NOTCH3: variants seen among roughly 807,000 people sequenced by gnomAD.
NOTCH3 encodes neurogenic locus notch homolog protein 3.
In NOTCH3, 86 loss-of-function variants were observed where a neutral mutation model predicts 213.3. The ratio of observed to expected loss-of-function variants is 0.40; its 90% confidence interval spans 0.34 to 0.48. The LOEUF (loss-of-function observed/expected upper bound fraction) is 0.48. NOTCH3 is among the 20% of genes least tolerant of loss of function. NOTCH3 has a pLI of 0.57. For synonymous variants in NOTCH3, 1,354 were observed against 1,355.9 expected, an observed-to-expected ratio of 1.00 and a Z score of 0.03; for missense variants, 2,783 against 3,272.6, an observed-to-expected ratio of 0.85 and a Z score of 3.65.
rs142405648 is a variant in NOTCH3, at chr19:15,184,411, G to C, written c.2450C>G (p.Pro817Arg). Residue 817 changes from proline (P) to arginine (R), a missense_variant, in exon 16 of 33, where the codon CCC (proline) becomes CGC (arginine). Physicochemically the swap from Pro to Arg is moderately radical, Grantham distance 103 (BLOSUM62 -2). Coordinates refer to ENST00000263388, the MANE Select transcript of NOTCH3 (RefSeq NM_000435.3). ...CQQDVDECAG[P>R]APCGPHGICT... Reference sequence around the variant, plus strand: ...GATACCATGAGGGCCACAGGGTGCGGGGCCAGCACACTCGTCCACATCCTG... The same window carrying C: ...GATACCATGAGGGCCACAGGGTGCGCGGCCAGCACACTCGTCCACATCCTG... 1.2e-6 allele frequency: 2 copies of C among 1,613,894 alleles called. No homozygotes were observed. The highest frequency in any genetic ancestry group is 1.7e-6 in the Non-Finnish European group (2 of 1,179,912).
At chr19:15,169,981 A>G (rs2046717129) in intron 28 of NOTCH3, 105 bp downstream of exon 28, 2 of 687,630 alleles carry the variant, frequency 2.9e-6, no homozygotes, top group South Asian at 1.6e-5. Context: ...AGGTGGGGAC[A>G]GCGGTGCCAT....
At chr19:15,175,141 T>G (rs1024583857) in intron 24 of NOTCH3, among the ~76,000 whole-genome samples, 1 of 152,118 alleles carries the variant, frequency 6.6e-6, no homozygotes, top group African/African-American at 2.4e-5. Flanking sequence ...CCGGCCACAA[T>G]TCCTGGTCCA....
In NOTCH3 at chr19:15,161,274, A is replaced by G; in HGVS notation, c.6354T>C (p.Pro2118=). The change falls in exon 33 of 33, where the codon CCT becomes CCC. Residue 2118 remains proline, a synonymous_variant. Transcript: ENST00000263388. The stretch of plus-strand genomic sequence containing the variant: ...AGGGCCCCTCAAGGGGGAAGCCACC[A>G]GGGGAAGCAGGGGGCCCACCGAAAG... ...PRPFGGPPAS[P]GGFPLEGPYA... 1 of 1,539,984 alleles carries G rather than the reference A, an allele frequency of 6.5e-7. No individual in the cohort carries two copies.
rs908503834 is a variant in NOTCH3, at chr19:15,161,398, G to T, written c.6230C>A (p.Pro2077His). 2.0e-6 allele frequency: 3 copies of T among 1,522,140 alleles called. No homozygotes were observed. The Admixed American group carries it at 6.4e-5, about 32-fold the overall frequency. The allele number at this position is 1,522,140 out of a possible 1,614,324, so 94.3% of individuals were successfully genotyped here. A position where few individuals can be genotyped will look rare whatever the true frequency, so the allele number is the denominator to read the frequency against. ...PGKAGLGPQG[P>H]RGRGKKLTLA... is the part of the protein sequence containing the mutation. ...CGTCAGCTTCTTGCCCCGCCCCCGG[G>T]GCCCCTGCGGCCCCAGCCCCGCCTT... Residue 2077 changes from proline to histidine, a missense_variant, in exon 33 of 33, where the codon CCC becomes CAC. Physicochemically the swap from Pro to His is moderately conservative, Grantham distance 77 (BLOSUM62 -2). Transcript: ENST00000263388.
chr19:15,161,741 A>G (rs1337432542), intron 32 of NOTCH3, 27 bp from the exon 33 acceptor site: 10 of 1,605,648 alleles, frequency 6.2e-6, no homozygotes, highest in Non-Finnish European at 8.5e-6. Flanking sequence ...CACAGAGGTC[A>G]GCGAAACCCC....
In NOTCH3 at chr19:15,181,112, C is replaced by A; in HGVS notation, c.2843G>T (p.Cys948Phe). The change falls in exon 18 of 33, where the codon TGC becomes TTC. Residue 948 changes from cysteine to phenylalanine, a missense_variant. By Grantham distance (205) the Cys-to-Phe change is radical. This residue lies in a region of NOTCH3 where 861 missense variants were observed against 909.1 expected (regional missense o/e 0.95). Transcript: ENST00000263388. ...TCVDGVNSFSCLCRPGYTGAH... is the reference protein window; with the variant it reads ...TCVDGVNSFSFLCRPGYTGAH... ...TCCTGTGTAGCCGGGACGGCACAGG[C>A]AGCTGAACGAGTTCACGCCGTCCAC... 6.2e-7 allele frequency: 1 copy of A among 1,609,690 alleles called. No homozygotes were observed. The highest frequency in any genetic ancestry group is 1.3e-5 in the African/African-American group (1 of 75,018).
At chr19:15,178,510 G>A (rs1029449854) in intron 23 of NOTCH3, 7 of 464,106 alleles carry the variant, frequency 1.5e-5, no homozygotes, top group Non-Finnish European at 2.0e-5. Flanking sequence ...TCAGCCTCCC[G>A]AGTAGCTGGG....
intron 16 of NOTCH3, 93 bp downstream of exon 16, chr19:15,184,202 A>C: frequency 2.4e-6 from 3 of 1,261,636 alleles, no homozygotes; most frequent in Non-Finnish European, 3.4e-6. Flanking sequence ...GATAACTGTG[A>C]AGATGAAATG....
chr19:15,160,520 C>A lies in NOTCH3; in HGVS notation c.*142G>T. On this transcript the variant is annotated 3_prime_UTR_variant, in exon 33 of 33. Transcript: ENST00000263388. Reference sequence around the variant, plus strand: ...CCCTGGGCTGATGACCTATCTCGGTCACGCTGCAAGGCAAGGATGCAGGAG... The same window carrying A: ...CCCTGGGCTGATGACCTATCTCGGTAACGCTGCAAGGCAAGGATGCAGGAG... The A allele has an allele frequency of 1.3e-6, 1 of 795,038 alleles. No individual in the cohort carries two copies. Among genetic ancestry groups the A allele is most frequent in the Non-Finnish European group, 2.2e-6 (1 of 446,472 alleles). 49.2% of individuals were successfully genotyped at this position (795,038 alleles called of 1,614,324 possible).
intron 27 of NOTCH3, 37 bp from the exon 28 acceptor site, chr19:15,170,207 A>T: frequency 6.5e-7 from 1 of 1,533,190 alleles, no homozygotes. Context: ...TGAGGGGGAC[A>T]CTAGAGGTGT....
At position 15,177,606 on chromosome 19, in the gene NOTCH3, C is replaced by T. The variant is rs2046802692; in HGVS notation, c.4322G>A (p.Arg1441His). 1.3e-6 allele frequency: 2 copies of T among 1,595,844 alleles called. No individual in the cohort carries two copies. Among genetic ancestry groups the T allele is most frequent in the Non-Finnish European group, 1.7e-6 (2 of 1,173,190 alleles). The change falls in exon 24 of 33, where the codon CGC (arginine) becomes CAC (histidine). Residue 1441 changes from arginine to histidine, a missense_variant. Coordinates refer to ENST00000263388, the MANE Select transcript of NOTCH3 (RefSeq NM_000435.3). ...LQCWRLFNNS[R>H]CDPACSSPAC... is the part of the protein sequence containing the mutation. ...GGGCGAGCTGCAGGCGGGGTCGCAG[C>T]GGCTGTTGTTGAAGAGGCGCCAGCA...
chr19:15,178,709 T>A (rs2046812507), intron 23 of NOTCH3, 114 bp downstream of exon 23: 2 of 795,862 alleles, frequency 2.5e-6, no homozygotes, highest in Non-Finnish European at 4.3e-6. Flanking sequence ...TTCCAGAAAC[T>A]CCCTTCCCTT....
Position 15,185,654 on chromosome 19 carries a change from A to T in NOTCH3, c.1977T>A (p.Asn659Lys), listed in dbSNP as rs542505184. The change falls in exon 13 of 33, where the codon AAT becomes AAA. Residue 659 changes from asparagine to lysine, a missense_variant. By Grantham distance (94) the Asn-to-Lys change is moderately conservative (BLOSUM62 0). Transcript: ENST00000263388. This position sits in a 1 kb window ranked among gnomAD's most constrained non-coding sequence, Gnocchi z 4.2. ...FTGPLCNVEI[N>K]ECASSPCGEG... ...CGCCGCATGGGCTGGAAGCACACTC[A>T]TTGATCTCCACGTTACAAAGGGGCC... 6.2e-7 allele frequency: 1 copy of T among 1,613,564 alleles called. No individual in the cohort carries two copies. Among genetic ancestry groups the T allele is most frequent in the Admixed American group, 1.7e-5 (1 of 60,012 alleles).
At chr19:15,189,215 G>A (rs1274849674) in intron 7 of NOTCH3, 41 bp from the exon 8 acceptor site, 2 of 1,613,158 alleles carry the variant, frequency 1.2e-6, no homozygotes, top group Non-Finnish European at 1.7e-6. Flanking sequence ...TGGCTGGCCG[G>A]GACCCCCTCC....
At position 15,162,568 on chromosome 19, in the gene NOTCH3, G is replaced by A. The variant is rs187058147; in HGVS notation, c.5816-6C>T. On this transcript the variant is annotated splice_region_variant and splice_polypyrimidine_tract_variant and intron_variant, in intron 31 of 32. Coordinates refer to ENST00000263388, the MANE Select transcript of NOTCH3 (RefSeq NM_000435.3). ...CCAGTGTAAGGCTGATTTCCCTGGA[G>A]GATGAAGGGGAGAGAGGTCAGGACC... 1.4e-5 allele frequency: 22 copies of A among 1,612,312 alleles called. No individual in the cohort carries two copies. The highest frequency in any genetic ancestry group is 1.7e-5 in the Non-Finnish European group (20 of 1,178,556).
At chr19:15,197,449 C>CCCCCCCCCCCCCCA in intron 2 of NOTCH3, 51 bp downstream of exon 2, 3 of 847,646 alleles carry the variant, frequency 3.5e-6, no homozygotes, top group Non-Finnish European at 4.0e-6. Context: ...TCGCCCCTCC[C>CCCCCCCCCCCCCCA]CCCCGCCCCC....
Position 15,161,395 on chromosome 19 carries a change from CG to C in NOTCH3, c.6232del (p.Arg2078GlyfsTer7). On this transcript the variant is annotated frameshift_variant, in exon 33 of 33. Coordinates refer to ENST00000263388, the MANE Select transcript of NOTCH3 (RefSeq NM_000435.3). LOFTEE classifies it low-confidence loss of function (END_TRUNC). ...CAGCGTCAGCTTCTTGCCCCGCCCCCGGGGCCCCTGCGGCCCCAGCCCCGCC... is the reference window on the plus strand; with the variant it reads ...CAGCGTCAGCTTCTTGCCCCGCCCCCGGGCCCCTGCGGCCCCAGCCCCGCC... Reference protein sequence around the residue: ...GKAGLGPQGPRGRGKKLTLAC... With the variant: ...GKAGLGPQGPXGRGKKLTLAC... 2.0e-6 allele frequency: 3 copies of C among 1,524,440 alleles called. No homozygotes were observed. The highest frequency in any genetic ancestry group is 1.2e-5 in the South Asian group (1 of 81,962). The allele number at this position is 1,524,440 out of a possible 1,614,324, so 94.4% of individuals were successfully genotyped here. A position where few individuals can be genotyped will look rare whatever the true frequency, so the allele number is the denominator to read the frequency against.
At chr19:15,182,895 G>A (rs985460233) in intron 16 of NOTCH3, among the ~76,000 whole-genome samples, 6 of 152,108 alleles carry the variant, frequency 3.9e-5, no homozygotes, top group African/African-American at 1.4e-4. Flanking sequence ...ACCTGCCTCA[G>A]CCTCCCAAAG....
Position 15,189,332 on chromosome 19 carries a change from G to T in NOTCH3, c.1133C>A (p.Thr378Asn), listed in dbSNP as rs1257168747. The change falls in exon 7 of 33, where the codon ACC (threonine) becomes AAC (asparagine). Residue 378 changes from threonine (T) to asparagine (N), a missense_variant. Thr to Asn is a moderately conservative substitution (Grantham distance 65). Coordinates refer to ENST00000263388, the MANE Select transcript of NOTCH3 (RefSeq NM_000435.3). ...CCCACCCGTGAAGCCGGGAGGACAG[G>T]TGCAAATGGCCCGGCCGTTCACCGG... ...TNPVNGRAICTCPPGFTGGAC... is the reference protein window; with the variant it reads ...TNPVNGRAICNCPPGFTGGAC... 1.2e-6 allele frequency: 2 copies of T among 1,614,090 alleles called. No individual in the cohort carries two copies. The highest frequency in any genetic ancestry group is 3.3e-5 in the Admixed American group (2 of 60,030).
Sources: gnomAD v4.1 joint callset for allele counts (sites outside exome capture counted in the v4.1 genomes callset) on GRCh38, gnomAD v4.1.1 for gene constraint, gnomAD v4.1.1 regional missense constraint, Gnocchi (gnomAD v3.1) non-coding constraint, MANE v1.5 for transcripts, NCBI Gene and HGNC (gene_info 2026-07-23, HGNC 2026-07-21) for gene names.